Variants in RXFP2 observed in about 807,000 individuals in gnomAD.
The protein encoded by RXFP2 is relaxin family peptide receptor 2.
A neutral mutation model predicts 88.6 loss-of-function variants in RXFP2; 68 were observed. The ratio of observed to expected loss-of-function variants is 0.77; its 90% CI spans 0.63 to 0.94. The LOEUF is 0.94. Ranked by LOEUF, RXFP2 falls within the 40% of genes least tolerant of loss-of-function variation. The pLI is 0.00. For missense variants in RXFP2, 791 were observed against 893.9 expected (o/e 0.88, Z 1.47); for synonymous variants, 329 against 306.8 (o/e 1.07, Z -0.76).
Position 31,766,044 on chromosome 13 carries a change from A to G in RXFP2, c.497+17A>G. 1.7e-6 allele frequency: 2 copies of G among 1,204,632 alleles called. No individual in the cohort carries two copies. The highest frequency in any genetic ancestry group is 1.3e-5 in the South Asian group (1 of 78,792). The allele number at this position is 1,204,632 out of a possible 1,614,324, so 74.6% of individuals were successfully genotyped here. On this transcript the variant is annotated intron_variant, in intron 5 of 17. Coordinates refer to ENST00000298386, the MANE Select transcript of RXFP2 (RefSeq NM_130806.5). ...TAAAAAGATGTAAGTAGCCGTTAATAGCATATTTATTTAAAAAAAATCCTC... is the reference window on the plus strand; with the variant it reads ...TAAAAAGATGTAAGTAGCCGTTAATGGCATATTTATTTAAAAAAAATCCTC...
chr13:31,746,549 GAAATTAATAAACTCATAAGAC>G (rs1252655017), intron 1 of RXFP2, among the ~76,000 whole-genome samples: 1 of 152,142 alleles, frequency 6.6e-6, no homozygotes, highest in African/African-American at 2.4e-5. Context: ...ACCTTTAAGA[GAAATTAATAAACTCATAAGAC>G]AAATGGCTAA....
chr13:31,740,804 T>G (rs1028138885), intron 1 of RXFP2, among the ~76,000 whole-genome samples: 2 of 152,082 alleles, frequency 1.3e-5, no homozygotes, highest in African/African-American at 2.4e-5. Context: ...CATGAAAAGC[T>G]AAGGATTAAC....
intron 1 of RXFP2, among the ~76,000 whole-genome samples, chr13:31,756,284 C>T (rs17076581): frequency 0.18 from 27,848 of 152,098 alleles, 2,502 homozygotes; most frequent in East Asian, 0.24. Flanking sequence ...CCAAAGTAGA[C>T]GTGCCTTCGT....
chr13:31,784,333 C>CT (rs1167738470), intron 11 of RXFP2, among the ~76,000 whole-genome samples: 1 of 152,102 alleles, frequency 6.6e-6, no homozygotes, highest in African/African-American at 2.4e-5. Context: ...AATTCAGAAG[C>CT]TGGTAGGCTT....
At chr13:31,752,923 C>T (rs959246026) in intron 1 of RXFP2, among the ~76,000 whole-genome samples, 1 of 152,220 alleles carries the variant, frequency 6.6e-6, no homozygotes, top group Non-Finnish European at 1.5e-5. Context: ...TGAATGTTCC[C>T]TCTGGTGCTG....
chr13:31,758,476 A>C, intron 2 of RXFP2, 72 bp downstream of exon 2: 4 of 1,545,870 alleles, frequency 2.6e-6, no homozygotes, highest in South Asian at 1.1e-5. Context: ...TCGGTTGGAT[A>C]ATGATTGTGA....
At position 31,802,565 on chromosome 13, in the gene RXFP2, G is replaced by A. The variant is rs559418060; in HGVS notation, c.*160G>A. 7.3e-4 allele frequency: 593 copies of A among 809,902 alleles called. 2 individuals are homozygous for A. The highest frequency in any genetic ancestry group is 1.1e-3 in the Non-Finnish European group (527 of 478,280). The allele number at this position is 809,902 out of a possible 1,614,324, so 50.2% of individuals were successfully genotyped here. A position where few individuals can be genotyped will look rare whatever the true frequency, so the allele number is the denominator to read the frequency against. On this transcript the variant is annotated 3_prime_UTR_variant, in exon 18 of 18. Transcript: ENST00000298386. ...CTGTCACTGCATTCCAATGGCAGCT[G>A]TACTATCTACCAACCATGCTGAGGA...
chr13:31,798,254 T>TC (rs780534382), intron 17 of RXFP2, among the ~76,000 whole-genome samples: 32 of 152,210 alleles, frequency 2.1e-4, no homozygotes, highest in Non-Finnish European at 7.3e-5. Flanking sequence ...TCCTGTGCAC[T>TC]CAGTTGTGAG....
chr13:31,766,701 C>G (rs1872561937), intron 5 of RXFP2, among the ~76,000 whole-genome samples: 1 of 152,116 alleles, frequency 6.6e-6, no homozygotes, highest in Non-Finnish European at 1.5e-5. Flanking sequence ...TCTCTACTCA[C>G]CAAGAAACCT....
chr13:31,790,913 T>C (rs772351812), intron 14 of RXFP2, among the ~76,000 whole-genome samples: 3 of 151,994 alleles, frequency 2.0e-5, no homozygotes, highest in Admixed American at 1.3e-4. Flanking sequence ...GGTGTGTGTC[T>C]GGGTGGAGTA....
rs552392114 is a variant in RXFP2 at position 31,741,915 on chromosome 13, T to C, written c.94+2209T>C. Among the ~76,000 whole-genome samples, 8 of 152,034 alleles carry C rather than the reference T, an allele frequency of 5.3e-5. No individual in the cohort carries two copies. The East Asian group carries it at 1.2e-3, about 22-fold the overall frequency. ...CTACTTGGTAACTACCAATTGTGTT[T>C]TGTGGAATTTCAACCTGTTGAAATA... On this transcript the variant is annotated intron_variant, in intron 1 of 17. Transcript: ENST00000298386.
At chr13:31,774,365 C>A (rs559846311) in intron 5 of RXFP2, among the ~76,000 whole-genome samples, 1 of 152,298 alleles carries the variant, frequency 6.6e-6, no homozygotes, top group East Asian at 1.9e-4. Context: ...AAGACTAGAT[C>A]CTTCCGCAGA....
At chr13:31,795,402 G>A (rs554047461) in intron 16 of RXFP2, among the ~76,000 whole-genome samples, 41 of 152,126 alleles carry the variant, frequency 2.7e-4, no homozygotes, top group Middle Eastern at 6.8e-3. Flanking sequence ...CGCCCACCTC[G>A]GTTTCCCAAA....
chr13:31,763,204 C>T (rs967282900), intron 3 of RXFP2, among the ~76,000 whole-genome samples: 1 of 151,834 alleles, frequency 6.6e-6, no homozygotes, highest in Non-Finnish European at 1.5e-5. Context: ...TCCAACTCAG[C>T]CTCCTGAGTA....
intron 8 of RXFP2, among the ~76,000 whole-genome samples, chr13:31,777,758 T>C (rs1873063193): frequency 2.0e-5 from 3 of 152,200 alleles, no homozygotes; most frequent in African/African-American, 7.2e-5. Flanking sequence ...AATTTTTATA[T>C]CCTATGTTTA....
At chr13:31,759,423 A>AAGAAAGAC (rs1872180494) in intron 2 of RXFP2, among the ~76,000 whole-genome samples, 1 of 150,404 alleles carries the variant, frequency 6.6e-6, no homozygotes, top group African/African-American at 2.4e-5. Context: ...GAAAGAAAGA[A>AAGAAAGAC]AGAAAGAAAG....
intron 1 of RXFP2, among the ~76,000 whole-genome samples, chr13:31,750,847 C>T (rs190903158): frequency 5.3e-4 from 80 of 152,278 alleles, no homozygotes; most frequent in African/African-American, 1.9e-3. Context: ...GAAGTGGAGA[C>T]ATTGACTTAC....
chr13:31,739,811 A>G, intron 1 of RXFP2, 105 bp downstream of exon 1: 1 of 765,776 alleles, frequency 1.3e-6, no homozygotes, highest in Non-Finnish European at 2.3e-6. Context: ...GTTTAAAAAA[A>G]AAACAGACAT....
chr13:31,798,627 T>G (rs549862403), intron 17 of RXFP2, among the ~76,000 whole-genome samples: 1 of 152,284 alleles, frequency 6.6e-6, no homozygotes, highest in East Asian at 1.9e-4. Flanking sequence ...GACAAAAGTG[T>G]CCGTTGGCCT....
Sources: allele counts gnomAD v4.1 joint callset (sites outside exome capture counted in the v4.1 genomes callset), GRCh38; gene constraint gnomAD v4.1.1; transcripts MANE v1.5; gene names NCBI Gene and HGNC (gene_info 2026-07-23, HGNC 2026-07-21).